The following GNAQ variants were observed in gnomAD, a reference collection of about 807,000 sequenced individuals.
GNAQ encodes the protein G protein subunit alpha q.
In GNAQ, 8 loss-of-function variants were observed where a neutral mutation model predicts 43.9. The ratio of observed to expected loss-of-function variants is 0.18; its 90% CI spans 0.11 to 0.33. The LOEUF is 0.33. Among genes scored for constraint, GNAQ ranks in the 10% least tolerant of loss-of-function variants. The pLI is 1.00. For missense variants in GNAQ, 158 were observed against 450.8 expected (o/e 0.35, Z 5.88); for synonymous variants, 155 against 170.7 (o/e 0.91, Z 0.71).
At chr9:77,803,981 A>G (rs952036745) in intron 3 of GNAQ, among the ~76,000 whole-genome samples, 7 of 152,244 alleles carry the variant, frequency 4.6e-5, no homozygotes, top group African/African-American at 1.7e-4. Flanking sequence ...TTAAATGATT[A>G]AAATATATGA....
At chr9:77,893,389 C>T (rs1828435355) in intron 2 of GNAQ, among the ~76,000 whole-genome samples, 1 of 152,180 alleles carries the variant, frequency 6.6e-6, no homozygotes, top group African/African-American at 2.4e-5. Context: ...TGGCAATGTT[C>T]AGAAGTTAAC....
chr9:77,871,527 T>C (rs1305956549), intron 2 of GNAQ, among the ~76,000 whole-genome samples: 1 of 152,216 alleles, frequency 6.6e-6, no homozygotes, highest in African/African-American at 2.4e-5. Context: ...TGATTTGTTA[T>C]GAAATCTCGG....
intron 1 of GNAQ, among the ~76,000 whole-genome samples, chr9:77,928,982 C>T (rs1239159501): frequency 7.2e-5 from 11 of 152,124 alleles, no homozygotes; most frequent in Admixed American, 6.5e-4. Flanking sequence ...CGCATCATTG[C>T]ACTTCATCCT....
intron 1 of GNAQ, among the ~76,000 whole-genome samples, chr9:77,974,436 A>G (rs922265056): frequency 6.6e-6 from 1 of 152,232 alleles, no homozygotes; most frequent in Non-Finnish European, 1.5e-5. Context: ...GGGACTAATG[A>G]TAGTAACTAC....
chr9:77,899,136 G>A (rs755334561), intron 2 of GNAQ, among the ~76,000 whole-genome samples: 13 of 151,820 alleles, frequency 8.6e-5, no homozygotes, highest in East Asian at 1.9e-4. Flanking sequence ...TTGTTCTGTC[G>A]CCCAGGCTGG....
chr9:77,970,271 A>G (rs1174618735), intron 1 of GNAQ, among the ~76,000 whole-genome samples: 1 of 152,088 alleles, frequency 6.6e-6, no homozygotes, highest in Non-Finnish European at 1.5e-5. Context: ...CTGAGTCACA[A>G]ACTCCTCCTC....
intron 5 of GNAQ, among the ~76,000 whole-genome samples, chr9:77,760,864 G>C (rs569005088): frequency 6.7e-6 from 1 of 148,242 alleles, no homozygotes; most frequent in Non-Finnish European, 1.5e-5. Context: ...CCACCGCCCC[G>C]TCTGGGATGT....
intron 2 of GNAQ, among the ~76,000 whole-genome samples, chr9:77,835,476 T>C (rs772169188): frequency 5.2e-4 from 79 of 152,146 alleles, no homozygotes; most frequent in Admixed American, 1.6e-3. Flanking sequence ...TGGCTAAGAA[T>C]ATAACTTTCA....
intron 5 of GNAQ, among the ~76,000 whole-genome samples, chr9:77,748,850 T>C (rs1044145507): frequency 1.9e-4 from 29 of 152,322 alleles, no homozygotes; most frequent in African/African-American, 6.5e-4. Context: ...ATCCAGGTAC[T>C]GGAGCCAGTC....
At chr9:77,875,614 G>C (rs904450568) in intron 2 of GNAQ, among the ~76,000 whole-genome samples, 1 of 152,186 alleles carries the variant, frequency 6.6e-6, no homozygotes, top group African/African-American at 2.4e-5. Context: ...CCACTAAAGA[G>C]CTTCAGAATT....
At position 77,863,989 on chromosome 9, in the gene GNAQ, A is replaced by C. The variant is rs188796521; in HGVS notation, c.322-48219T>G. Among the ~76,000 whole-genome samples, 74 of 152,200 alleles carry C rather than the reference A, an allele frequency of 4.9e-4. 1 individual carries two copies. Among genetic ancestry groups the C allele is most frequent in the Non-Finnish European group, 1.5e-5 (1 of 68,010 alleles). On this transcript the variant is annotated intron_variant, in intron 2 of 6. Transcript: ENST00000286548. ...ACACAGCCAAACCACATCACTGGGT[A>C]ATTTATAAAGAAAAGAGGTTTATTT...
At chr9:77,800,376 T>C (rs1032730773) in intron 3 of GNAQ, among the ~76,000 whole-genome samples, 4 of 152,018 alleles carry the variant, frequency 2.6e-5, no homozygotes, top group African/African-American at 9.7e-5. Flanking sequence ...ATATACACCA[T>C]GGAATACTAT....
At chr9:77,933,812 A>G (rs1049571664) in intron 1 of GNAQ, among the ~76,000 whole-genome samples, 5 of 151,988 alleles carry the variant, frequency 3.3e-5, no homozygotes, top group African/African-American at 1.2e-4. Flanking sequence ...AGAATTTAAC[A>G]TTTTTTTTCC....
intron 2 of GNAQ, among the ~76,000 whole-genome samples, chr9:77,832,772 G>A (rs951153148): frequency 2.0e-5 from 3 of 152,044 alleles, no homozygotes; most frequent in Non-Finnish European, 4.4e-5. Context: ...GTGTGGTTAC[G>A]TTGTACGGTT....
intron 5 of GNAQ, among the ~76,000 whole-genome samples, chr9:77,762,737 A>G (rs1315965660): frequency 2.0e-5 from 3 of 152,110 alleles, no homozygotes; most frequent in African/African-American, 4.8e-5. Flanking sequence ...GAGACTTTTC[A>G]TTTTGTTCTG....
At chr9:78,005,544 C>T (rs1049224584) in intron 1 of GNAQ, among the ~76,000 whole-genome samples, 3 of 152,192 alleles carry the variant, frequency 2.0e-5, no homozygotes, top group African/African-American at 7.2e-5. Flanking sequence ...ATGTCTTACT[C>T]ACAGTAGTTA....
chr9:77,777,849 C>A (rs984039735), intron 5 of GNAQ, among the ~76,000 whole-genome samples: 1 of 151,896 alleles, frequency 6.6e-6, no homozygotes, highest in African/African-American at 2.4e-5. Context: ...GAAACTGGAA[C>A]GCTAACACAT....
chr9:77,981,642 T>C (rs981514232), intron 1 of GNAQ, among the ~76,000 whole-genome samples: 2 of 152,220 alleles, frequency 1.3e-5, no homozygotes, highest in Non-Finnish European at 2.9e-5. Context: ...GTCTTTAAAA[T>C]ACTTATCCCT....
At chr9:77,802,612 T>C (rs911388482) in intron 3 of GNAQ, among the ~76,000 whole-genome samples, 1 of 152,136 alleles carries the variant, frequency 6.6e-6, no homozygotes, top group Non-Finnish European at 1.5e-5. Context: ...GAGTTAATTA[T>C]AGCCATAATT....
Sources: gnomAD v4.1 joint callset for allele counts (sites outside exome capture counted in the v4.1 genomes callset) on GRCh38, gnomAD v4.1.1 for gene constraint, MANE v1.5 for transcripts, NCBI Gene and HGNC (gene_info 2026-07-23, HGNC 2026-07-21) for gene names.